The following ANKDD1B variants were observed in gnomAD, a reference collection of about 807,000 sequenced individuals.
ANKDD1B encodes the protein ankyrin repeat and death domain-containing protein 1B.
A neutral mutation model predicts 59.7 loss-of-function variants in ANKDD1B; 57 were observed. The ratio of observed to expected loss-of-function variants is 0.95; its 90% CI spans 0.77 to 1.19. The LOEUF (loss-of-function observed/expected upper bound fraction) is 1.19, where lower values mean the gene tolerates loss of function less well. Ranked by LOEUF, ANKDD1B falls within the 50% of genes most tolerant of loss-of-function variation. The probability of loss-of-function intolerance (pLI) is 0.00; values close to 1 mark genes in which losing one functional copy is unlikely to be tolerated. For synonymous variants in ANKDD1B, 216 were observed against 239.5 expected, an observed-to-expected ratio of 0.90 and a Z score of 0.91; for missense variants, 602 against 641.9, an observed-to-expected ratio of 0.94 and a Z score of 0.67.
chr5:75,634,886 A>G lies in ANKDD1B; in HGVS notation c.601-12A>G, dbSNP rs1194846660. ...CTGTAATAAATGCTTGAGGTTTGTG[A>G]TTGATTTTTAGAAAGGAAGAAAACC... On this transcript the variant is annotated splice_polypyrimidine_tract_variant and intron_variant, in intron 5 of 13. Transcript: ENST00000601380. The G allele has an allele frequency of 6.7e-7, 1 of 1,496,086 alleles. No homozygotes were observed. The highest frequency in any genetic ancestry group is 9.0e-7 in the Non-Finnish European group (1 of 1,110,548). The allele number at this position is 1,496,086 out of a possible 1,614,324, so 92.7% of individuals were successfully genotyped here.
At chr5:75,623,996 G>T (rs189563038) in intron 3 of ANKDD1B, among the ~76,000 whole-genome samples, 24 of 152,306 alleles carry the variant, frequency 1.6e-4, no homozygotes, top group Admixed American at 5.2e-4. Flanking sequence ...TTTACAAATA[G>T]AAGTGTACTG....
chr5:75,661,899 ATTTTT>A (rs35120763), intron 10 of ANKDD1B, among the ~76,000 whole-genome samples: 156 of 92,802 alleles, frequency 1.7e-3, no homozygotes, highest in Middle Eastern at 8.6e-3. Context: ...GGCTCCCACA[ATTTTT>A]TTTTTTTTTT....
chr5:75,666,728 CTCTGAAATAAGGTAATAAGTAGAACATG>C, intron 11 of ANKDD1B, 36 bp from the exon 12 acceptor site: 1 of 1,222,110 alleles, frequency 8.2e-7, no homozygotes, highest in Non-Finnish European at 1.2e-6. Context: ...AACATATATA[CTCTGAAATAAGGTAATAAGTAGAACATG>C]TCTGAAATCT....
intron 5 of ANKDD1B, among the ~76,000 whole-genome samples, chr5:75,629,225 TC>T (rs1299274906): frequency 6.6e-6 from 1 of 151,970 alleles, no homozygotes; most frequent in Non-Finnish European, 1.5e-5. Flanking sequence ...ACCCAGTGTC[TC>T]CCACCCCACC....
At chr5:75,619,641 G>A (rs2112956518) in intron 2 of ANKDD1B, among the ~76,000 whole-genome samples, 1 of 152,290 alleles carries the variant, frequency 6.6e-6, no homozygotes, top group Middle Eastern at 3.4e-3. Flanking sequence ...AGAATATGGG[G>A]AATATGACAC....
chr5:75,654,707 G>A (rs555928021), intron 8 of ANKDD1B, among the ~76,000 whole-genome samples: 13 of 152,124 alleles, frequency 8.5e-5, no homozygotes, highest in Non-Finnish European at 1.9e-4. Flanking sequence ...AGAAACAGTT[G>A]GGGAAGTGAA....
chr5:75,648,726 C>G (rs2112350), intron 7 of ANKDD1B, among the ~76,000 whole-genome samples: 14,322 of 152,206 alleles, frequency 0.094, 1,666 homozygotes, highest in African/African-American at 0.27. Context: ...CTGTCCAACC[C>G]AGTGAAAACC....
In ANKDD1B at chr5:75,663,406, G is replaced by T; in HGVS notation, c.1108G>T (p.Ala370Ser). The part of the protein sequence containing the change: ...LKAVDKQGKT[A>S]LAVASRSNHS... ...TTTTTAATTTTAGCAAGGAAAGACT[G>T]CCCTGGCTGTGGCCTCCAGGAGCAA... Residue 370 changes from alanine to serine, a missense_variant, in exon 11 of 14, where the codon GCC becomes TCC. Ala to Ser is a moderately conservative substitution (Grantham distance 99, BLOSUM62 1). Coordinates refer to ENST00000601380, the MANE Select transcript of ANKDD1B (RefSeq NM_001276713.2). The T allele has an allele frequency of 6.5e-7, 1 of 1,536,032 alleles. No individual in the cohort carries two copies.
At chr5:75,656,383 TTGA>T (rs1398810806) in intron 9 of ANKDD1B, among the ~76,000 whole-genome samples, 1 of 152,200 alleles carries the variant, frequency 6.6e-6, no homozygotes, top group Non-Finnish European at 1.5e-5. Context: ...CCCAGCATTT[TTGA>T]TAGAAAAACA....
chr5:75,668,600 A>G (rs1206315231), intron 12 of ANKDD1B, among the ~76,000 whole-genome samples: 1 of 152,190 alleles, frequency 6.6e-6, no homozygotes, highest in African/African-American at 2.4e-5. Flanking sequence ...ACTCTCTCTC[A>G]GAGCAAGGAG....
intron 10 of ANKDD1B, among the ~76,000 whole-genome samples, chr5:75,662,033 T>TTG (rs1775170222): frequency 6.6e-6 from 1 of 151,844 alleles, no homozygotes; most frequent in South Asian, 2.1e-4. Context: ...GCTTGTCCTC[T>TTG]TGGCCTGAGG....
chr5:75,649,487 T>G (rs963127692), intron 7 of ANKDD1B, among the ~76,000 whole-genome samples: 8 of 152,212 alleles, frequency 5.3e-5, no homozygotes, highest in African/African-American at 1.2e-4. Context: ...TTTTTATGTT[T>G]TACATTTTAA....
At position 75,635,769 on chromosome 5, in the gene ANKDD1B, G is replaced by A. The variant is rs903489986; in HGVS notation, c.700-15G>A. The A allele has an allele frequency of 6.7e-7, 1 of 1,501,194 alleles. No homozygotes were observed. The highest frequency in any genetic ancestry group is 1.7e-4 in the Middle Eastern group (1 of 5,906). 93.0% of individuals were successfully genotyped at this position (1,501,194 alleles called of 1,614,324 possible). On this transcript the variant is annotated splice_polypyrimidine_tract_variant and intron_variant, in intron 6 of 13. Coordinates refer to ENST00000601380, the MANE Select transcript of ANKDD1B (RefSeq NM_001276713.2). ...TGGCACAGGGGTTTCTACGTCGAGT[G>A]TGTCTCTGTTGCAGGGGGGAAACAC...
intron 9 of ANKDD1B, among the ~76,000 whole-genome samples, chr5:75,658,107 G>A (rs934799178): frequency 2.6e-5 from 4 of 152,006 alleles, no homozygotes; most frequent in African/African-American, 9.7e-5. Flanking sequence ...TGAGAAGGGA[G>A]GATTGCTTGA....
At chr5:75,640,505 G>A (rs77987663) in intron 7 of ANKDD1B, among the ~76,000 whole-genome samples, 6,164 of 152,300 alleles carry the variant, frequency 0.04, 380 homozygotes, top group African/African-American at 0.13. Context: ...CCATTATTAA[G>A]AGTAATGCAC....
At chr5:75,667,660 G>A (rs1196974731) in intron 12 of ANKDD1B, among the ~76,000 whole-genome samples, 1 of 152,104 alleles carries the variant, frequency 6.6e-6, no homozygotes, top group African/African-American at 2.4e-5. Flanking sequence ...GTGGTTAGAC[G>A]AAAACCTAGG....
intron 3 of ANKDD1B, among the ~76,000 whole-genome samples, chr5:75,622,758 AGT>A (rs1773886463): frequency 1.3e-5 from 2 of 152,254 alleles, no homozygotes; most frequent in Middle Eastern, 3.4e-3. Flanking sequence ...GCCAACTGTG[AGT>A]GTAATTTGTG....
At chr5:75,667,253 G>A (rs926302803) in intron 12 of ANKDD1B, among the ~76,000 whole-genome samples, 2 of 152,208 alleles carry the variant, frequency 1.3e-5, no homozygotes, top group African/African-American at 4.8e-5. Flanking sequence ...TCAGACATGT[G>A]CATTTAGCCT....
At chr5:75,658,672 T>A (rs929866781) in intron 9 of ANKDD1B, among the ~76,000 whole-genome samples, 14 of 152,198 alleles carry the variant, frequency 9.2e-5, no homozygotes, top group Middle Eastern at 3.2e-3. Flanking sequence ...TTTCTCTATG[T>A]GTATTTTTCA....
Sources: allele counts gnomAD v4.1 joint callset (sites outside exome capture counted in the v4.1 genomes callset), GRCh38; gene constraint gnomAD v4.1.1; transcripts MANE v1.5; gene names NCBI Gene and HGNC (gene_info 2026-07-23, HGNC 2026-07-21).